The following ITGB2 variants were observed in gnomAD, a reference collection of about 807,000 sequenced individuals.
The protein encoded by ITGB2 is integrin beta-2.
In ITGB2, 56 loss-of-function variants were observed where a neutral mutation model predicts 86.8. The ratio of observed to expected loss-of-function variants is 0.65; its 90% confidence interval spans 0.52 to 0.81. ITGB2 has a LOEUF of 0.81. Among genes scored for constraint, ITGB2 ranks in the 30% least tolerant of loss-of-function variants. The pLI is 0.00. For synonymous variants in ITGB2, 457 were observed against 450.4 expected (o/e 1.01, Z -0.19); for missense variants, 948 against 1,061.2 (o/e 0.89, Z 1.48).
intron 3 of ITGB2, among the ~76,000 whole-genome samples, chr21:44,908,575 C>A (rs1246290404): frequency 6.6e-6 from 1 of 152,130 alleles, no homozygotes. Context: ...CATGTGGACC[C>A]CTTAGAGTTG....
intron 14 of ITGB2, among the ~76,000 whole-genome samples, chr21:44,888,328 C>T (rs552341657): frequency 4.2e-4 from 63 of 149,516 alleles, no homozygotes; most frequent in Middle Eastern, 3.4e-3. Flanking sequence ...GACCGCGGGC[C>T]ACCCCTGGGG....
intron 1 of ITGB2, among the ~76,000 whole-genome samples, chr21:44,919,152 C>A (rs1021469708): frequency 6.6e-6 from 1 of 152,196 alleles, no homozygotes; most frequent in East Asian, 1.9e-4. Context: ...CCACAGCCCC[C>A]CCGGGGTCAG....
intron 10 of ITGB2, chr21:44,893,095 G>GA (rs1441557968): frequency 2.7e-6 from 1 of 364,220 alleles, no homozygotes; most frequent in African/African-American, 2.1e-5. Context: ...CTCTCACTGA[G>GA]AAGCACCCTC....
chr21:44,910,857 T>C, intron 1 of ITGB2, 72 bp from the exon 2 acceptor site: 1 of 1,489,042 alleles, frequency 6.7e-7, no homozygotes, highest in South Asian at 1.2e-5. Flanking sequence ...GAAGCTCCCC[T>C]CCAGCTGGCC....
In ITGB2 at chr21:44,886,597, C is replaced by G. The variant is rs1382892836; in HGVS notation, c.2247+139G>C. The G allele has an allele frequency of 2.8e-6, 4 of 1,430,574 alleles. No individual in the cohort carries two copies. The South Asian group carries it at 4.6e-5, about 17-fold the overall frequency. 88.6% of individuals were successfully genotyped at this position (1,430,574 alleles called of 1,614,324 possible). A position where few individuals can be genotyped will look rare whatever the true frequency, so the allele number is the denominator to read the frequency against. The stretch of plus-strand genomic sequence containing the variant: ...CGGCAGCCAAGCTCACCCACAGCGG[C>G]GGACGCCCAGAGGACAAGCTGCCTG... On this transcript the variant is annotated intron_variant, in intron 15 of 15. Coordinates refer to ENST00000652462, the MANE Select transcript of ITGB2 (RefSeq NM_000211.5).
chr21:44,920,311 C>T (rs756297952), intron 1 of ITGB2, among the ~76,000 whole-genome samples: 28 of 152,064 alleles, frequency 1.8e-4, no homozygotes, highest in Non-Finnish European at 3.2e-4. Context: ...ACTACACACA[C>T]GACACTACAC....
intron 14 of ITGB2, among the ~76,000 whole-genome samples, 175 bp downstream of exon 14, chr21:44,888,518 G>T (rs1601280192): frequency 6.6e-6 from 1 of 152,222 alleles, no homozygotes; most frequent in South Asian, 2.1e-4. Flanking sequence ...TGCTGGGGGT[G>T]AGGGGACCGG....
At chr21:44,890,305 G>C in intron 11 of ITGB2, 83 bp from the exon 12 acceptor site, 1 of 1,569,576 alleles carries the variant, frequency 6.4e-7, no homozygotes, top group East Asian at 2.2e-5. Context: ...CAGGCCCCTT[G>C]CCCTTGGTGG....
Position 44,907,066 on chromosome 21 carries a change from G to A in ITGB2, c.177C>T (p.Ser59=), listed in dbSNP as rs1450635766. The A allele has an allele frequency of 1.2e-6, 2 of 1,609,706 alleles. No homozygotes were observed. The highest frequency in any genetic ancestry group is 2.2e-5 in the East Asian group (1 of 44,754). The change falls in exon 4 of 16, where the codon TCC becomes TCT. Residue 59 remains serine (S), a synonymous_variant. Transcript: ENST00000652462. ...GCTGTGGCCGGGTGTCGCAGCGAAT[G>A]GAGTCAGGATCCCCCGGCCCTGTGA... ...LNFTGPGDPD[S]IRCDTRPQLL...
At position 44,891,887 on chromosome 21, in the gene ITGB2, C is replaced by T. The variant is rs996458257; in HGVS notation, c.1334G>A (p.Cys445Tyr). The change falls in exon 11 of 16, where the codon TGT (cysteine) becomes TAT (tyrosine). Residue 445 changes from cysteine to tyrosine, a missense_variant. Cys to Tyr is a radical substitution (Grantham distance 194). Transcript: ENST00000652462. ...GCTCTGGTCCCGGCACCGGCACTCA[C>T]ACTGGGGAAGAACCTGCACGGTCAC... ...DIVTVQVLPQ[C>Y]ECRCRDQSRD... 5 of 1,613,030 alleles carry T rather than the reference C, an allele frequency of 3.1e-6. No individual in the cohort carries two copies. In the Admixed American group the frequency reaches 5.0e-5, roughly 16 times the overall value.
intron 2 of ITGB2, 93 bp from the exon 3 acceptor site, chr21:44,910,465 A>G: frequency 6.3e-7 from 1 of 1,594,708 alleles, no homozygotes; most frequent in Admixed American, 1.7e-5. Flanking sequence ...GGAGGCCCAA[A>G]AAGACAGGGA....
In ITGB2 at chr21:44,920,863, TGGG is replaced by T. The variant is rs1240761163; in HGVS notation, c.-49_-47del. On this transcript the variant is annotated 5_prime_UTR_variant, in exon 1 of 16. Transcript: ENST00000652462. ...CCTCGGCGGTGCTCCTGGCTGGGCG[TGGG>T]GGCTTTGCTACCAGTCTGCCCTGGG... 6.6e-6 allele frequency: 1 copy of T among 152,508 alleles called. No individual in the cohort carries two copies. Among genetic ancestry groups the T allele is most frequent in the Non-Finnish European group, 1.5e-5 (1 of 68,334 alleles). The allele number at this position is 152,508 out of a possible 1,614,324, so 9.4% of individuals were successfully genotyped here.
intron 1 of ITGB2, among the ~76,000 whole-genome samples, chr21:44,919,471 G>C (rs2084265940): frequency 6.6e-6 from 1 of 152,192 alleles, no homozygotes; most frequent in Non-Finnish European, 1.5e-5. Context: ...GGATTCTGCA[G>C]TGAGCTGGGC....
chr21:44,895,135 A>G (rs1206730263), intron 8 of ITGB2, 75 bp from the exon 9 acceptor site: 1 of 1,107,364 alleles, frequency 9.0e-7, no homozygotes, highest in Non-Finnish European at 1.4e-6. Flanking sequence ...GGCTCACCCC[A>G]GGGGCTTCTG....
chr21:44,901,806 C>G (rs753413471), intron 5 of ITGB2, 73 bp from the exon 6 acceptor site: 6 of 1,511,428 alleles, frequency 4.0e-6, no homozygotes, highest in Middle Eastern at 1.8e-4. Context: ...CAAAGGGGCA[C>G]GAGGGCAAGC....
At chr21:44,923,566 T>C (rs56140450), upstream of ITGB2, among the ~76,000 whole-genome samples, 12,936 of 152,070 alleles carry the variant, frequency 0.085, 1,778 homozygotes, top group African/African-American at 0.29. Context: ...GCTTCACTAA[T>C]CTATTCTCTC....
At position 44,889,880 on chromosome 21, in the gene ITGB2, C is replaced by T. The variant is rs1182589363; in HGVS notation, c.1657+98G>A. ...TGCACTGTCTGTCCTCAGGATCCCC[C>T]CTTTCTGTTCCACTCGTTGAATGGT... On this transcript the variant is annotated intron_variant, in intron 12 of 15. Transcript: ENST00000652462. 17 of 1,528,524 alleles carry T rather than the reference C, an allele frequency of 1.1e-5. No homozygotes were observed. The South Asian group carries it at 1.6e-4, about 14-fold the overall frequency. The allele number at this position is 1,528,524 out of a possible 1,614,324, so 94.7% of individuals were successfully genotyped here.
At chr21:44,925,114 T>C (rs547567748), upstream of ITGB2, among the ~76,000 whole-genome samples, 2 of 151,444 alleles carry the variant, frequency 1.3e-5, no homozygotes, top group African/African-American at 2.4e-5. Flanking sequence ...CATGCTGTTC[T>C]GTATTCTTAA....
chr21:44,896,601 C>A (rs8134406), intron 8 of ITGB2, among the ~76,000 whole-genome samples: 2,082 of 152,212 alleles, frequency 0.014, 54 homozygotes, highest in African/African-American at 0.048. Flanking sequence ...CCCTCCTCTG[C>A]GCCCTCCGCC....
Sources: gnomAD v4.1 joint callset for allele counts (sites outside exome capture counted in the v4.1 genomes callset) on GRCh38, gnomAD v4.1.1 for gene constraint, MANE v1.5 for transcripts, NCBI Gene and HGNC (gene_info 2026-07-23, HGNC 2026-07-21) for gene names.